The following TSC1 variants were observed in gnomAD, a reference collection of about 807,000 sequenced individuals.
TSC1 encodes hamartin.
TSC1 carries 20 observed loss-of-function variants against 124.3 expected under a neutral mutation model. The ratio of observed to expected loss-of-function variants is 0.16; its 90% confidence interval spans 0.11 to 0.23. The LOEUF (loss-of-function observed/expected upper bound fraction) is 0.23, where lower values mean the gene tolerates loss of function less well. TSC1 is among the 10% of genes least tolerant of loss of function. The pLI is 1.00. For synonymous variants in TSC1, 493 were observed against 539.1 expected, an observed-to-expected ratio of 0.91 and a Z score of 1.19; for missense variants, 1,124 against 1,448.5, an observed-to-expected ratio of 0.78 and a Z score of 3.64.
chr9:132,944,789 GA>G (rs1041223078), upstream of TSC1: 40 of 394,540 alleles, frequency 1.0e-4, no homozygotes, highest in Middle Eastern at 1.3e-3. Flanking sequence ...GGTTGGACGA[GA>G]AAAAAAGTAA....
At chr9:132,933,951 T>A (rs1196595334) in intron 2 of TSC1, among the ~76,000 whole-genome samples, 1 of 152,066 alleles carries the variant, frequency 6.6e-6, no homozygotes, top group East Asian at 1.9e-4. Context: ...ACAAAAACAC[T>A]GAAAATGAAA....
Position 132,906,149 on chromosome 9 carries a change from A to T in TSC1, c.1439-10T>A, listed in dbSNP as rs1060504852. 5 of 1,611,274 alleles carry T rather than the reference A, an allele frequency of 3.1e-6. No individual in the cohort carries two copies. The highest frequency in any genetic ancestry group is 4.2e-6 in the Non-Finnish European group (5 of 1,179,512). On this transcript the variant is annotated splice_polypyrimidine_tract_variant and intron_variant, in intron 14 of 22. Coordinates refer to ENST00000298552, the MANE Select transcript of TSC1 (RefSeq NM_000368.5). This position sits in a 1 kb window ranked among gnomAD's most constrained non-coding sequence, Gnocchi z 4.1. The stretch of plus-strand genomic sequence containing the variant: ...TCTCTAGATATTGCAGCTGAGAGGA[A>T]GAGAGGAAACAAAAGAAATGGCAGT...
At chr9:132,904,087 TC>T (rs1320644567) in intron 16 of TSC1, among the ~76,000 whole-genome samples, 2 of 152,140 alleles carry the variant, frequency 1.3e-5, no homozygotes, top group African/African-American at 4.8e-5. Context: ...ATCACGCATT[TC>T]AGATGCCCTG....
chr9:132,896,555 A>G lies in TSC1; in HGVS notation c.3175T>C (p.Phe1059Leu), dbSNP rs1379924767. 1 of 1,614,138 alleles carries G rather than the reference A, an allele frequency of 6.2e-7. No individual in the cohort carries two copies. The highest frequency in any genetic ancestry group is 8.5e-7 in the Non-Finnish European group (1 of 1,180,022). Residue 1059 changes from phenylalanine to leucine, a missense_variant, in exon 23 of 23, where the codon TTC (phenylalanine) becomes CTC (leucine). By Grantham distance (22) the Phe-to-Leu change is conservative. Coordinates refer to ENST00000298552, the MANE Select transcript of TSC1 (RefSeq NM_000368.5). The surrounding 1 kb of genome is among the most constrained non-coding windows in gnomAD (Gnocchi z 4.5). ...ATAGTCGTCTCCCACCGACTGCTGAATGGGCCTGCCCTCTGGTGTGGGGGT... is the reference window on the plus strand; with the variant it reads ...ATAGTCGTCTCCCACCGACTGCTGAGTGGGCCTGCCCTCTGGTGTGGGGGT... Reference protein sequence around the residue: ...EKPPHQRAGPFSSRWETTMGE... With the variant: ...EKPPHQRAGPLSSRWETTMGE...
Position 132,897,249 on chromosome 9 carries a change from C to T in TSC1, c.2910G>A (p.Glu970=), listed in dbSNP as rs762627301. 5.0e-6 allele frequency: 8 copies of T among 1,614,110 alleles called. No homozygotes were observed. Among genetic ancestry groups the T allele is most frequent in the Non-Finnish European group, 5.1e-6 (6 of 1,180,046 alleles). ...CAAGTTTTTTCAGGAGGCCATCTTT[C>T]TCCAACCTGCCATATAAATCTAAGA... is the stretch of plus-strand genomic sequence containing the variant. ...LEILDLYGRL[E]KDGLLKKLEE... is the part of the protein sequence containing the mutation. The change falls in exon 22 of 23, where the codon GAG becomes GAA. Residue 970 remains glutamate, a synonymous_variant. Transcript: ENST00000298552.
In TSC1 at chr9:132,923,464, G is replaced by A. The variant is rs1846680651; in HGVS notation, c.392C>T (p.Thr131Ile). 1 of 1,614,132 alleles carries A rather than the reference G, an allele frequency of 6.2e-7. No individual in the cohort carries two copies. The highest frequency in any genetic ancestry group is 8.5e-7 in the Non-Finnish European group (1 of 1,179,992). Residue 131 changes from threonine (T) to isoleucine (I), a missense_variant, in exon 6 of 23, where the codon ACA (threonine) becomes ATA (isoleucine). By Grantham distance (89) the Thr-to-Ile change is moderately conservative. Transcript: ENST00000298552. This position sits in a 1 kb window ranked among gnomAD's most constrained non-coding sequence, Gnocchi z 4.2. ...KMDTDVVVLTTGVLVLITMLP... is the reference protein window; with the variant it reads ...KMDTDVVVLTIGVLVLITMLP... ...CATGGTTATCAACACCAAGACGCCT[G>A]TTGTGAGGACAACGACGTCAGTGTC...
chr9:132,921,303 C>T lies in TSC1; in HGVS notation c.737+60G>A, dbSNP rs2132130485. The T allele has an allele frequency of 3.2e-6, 5 of 1,559,872 alleles. No homozygotes were observed. The highest frequency in any genetic ancestry group is 4.4e-6 in the Non-Finnish European group (5 of 1,132,306). On this transcript the variant is annotated intron_variant, in intron 8 of 22. Coordinates refer to ENST00000298552, the MANE Select transcript of TSC1 (RefSeq NM_000368.5). This position sits in a 1 kb window ranked among gnomAD's most constrained non-coding sequence, Gnocchi z 4.3. Reference sequence around the variant, plus strand: ...AATATACCTCAACAGGGATTACCTCCTAGATCACATTTTCAATCTCTCGAA... The same window carrying T: ...AATATACCTCAACAGGGATTACCTCTTAGATCACATTTTCAATCTCTCGAA...
intron 15 of TSC1, 54 bp from the exon 16 acceptor site, chr9:132,904,508 G>C: frequency 6.4e-7 from 1 of 1,560,158 alleles, no homozygotes; most frequent in Non-Finnish European, 8.8e-7. Flanking sequence ...AGAAAAAAAC[G>C]TATCTGGACT....
chr9:132,912,135 T>G, intron 9 of TSC1, 147 bp downstream of exon 9: 1 of 903,180 alleles, frequency 1.1e-6, no homozygotes, highest in Non-Finnish European at 1.7e-6. Flanking sequence ...TAGAAGAAAA[T>G]GGAGGGACAT....
rs1340619483 is a variant in TSC1, at chr9:132,906,873, C to T, written c.1334-38G>A. ...AAAGACAACTGAAGTCAAAGAAATA[C>T]AGTGTAATCCCTGTAAGTGTAAAAC... On this transcript the variant is annotated intron_variant, in intron 13 of 22. Coordinates refer to ENST00000298552, the MANE Select transcript of TSC1 (RefSeq NM_000368.5). This position sits in a 1 kb window ranked among gnomAD's most constrained non-coding sequence, Gnocchi z 4.1. 1 of 1,530,848 alleles carries T rather than the reference C, an allele frequency of 6.5e-7. No individual in the cohort carries two copies. The highest frequency in any genetic ancestry group is 1.4e-5 in the African/African-American group (1 of 73,224). 94.8% of individuals were successfully genotyped at this position (1,530,848 alleles called of 1,614,324 possible).
intron 3 of TSC1, among the ~76,000 whole-genome samples, chr9:132,927,521 C>CTTTT (rs57259325): frequency 0.015 from 1,562 of 103,928 alleles, 65 homozygotes; most frequent in African/African-American, 0.036. Flanking sequence ...TTTTTATTGC[C>CTTTT]TTTTTTTTTT....
At chr9:132,900,503 G>T in intron 20 of TSC1, 1 of 647,834 alleles carries the variant, frequency 1.5e-6, no homozygotes, top group Non-Finnish European at 2.7e-6. Flanking sequence ...GGTGCTTTCA[G>T]TGTGAGTTAA....
intron 8 of TSC1, among the ~76,000 whole-genome samples, chr9:132,913,805 G>A (rs1284859765): frequency 1.6e-5 from 2 of 125,590 alleles, no homozygotes; most frequent in East Asian, 2.5e-4. Flanking sequence ...CAGCCTGGGC[G>A]ATAGAGCGAG....
In TSC1 at chr9:132,910,615, C is replaced by G. The variant is rs769331772; in HGVS notation, c.1219G>C (p.Val407Leu). Residue 407 changes from valine (V) to leucine (L), a missense_variant, in exon 12 of 23, where the codon GTG becomes CTG. Val to Leu is a conservative substitution (Grantham distance 32). Around this residue, in one of 5 missense-constraint regions of TSC1, gnomAD observed 463 missense variants for 606.8 expected, o/e 0.76. Coordinates refer to ENST00000298552, the MANE Select transcript of TSC1 (RefSeq NM_000368.5). The stretch of plus-strand genomic sequence containing the variant: ...GTGGCCTGGGGGAGTGAAATGTGCA[C>G]GTAGTCATCCGAATGACAGAGTGGG... Reference protein sequence around the residue: ...PAPLCHSDDYVHISLPQATVT... With the variant: ...PAPLCHSDDYLHISLPQATVT... 1 of 1,614,060 alleles carries G rather than the reference C, an allele frequency of 6.2e-7. No homozygotes were observed. The highest frequency in any genetic ancestry group is 1.7e-5 in the Admixed American group (1 of 60,012).
chr9:132,930,729 T>C (rs1483751955), intron 2 of TSC1, among the ~76,000 whole-genome samples: 3 of 152,138 alleles, frequency 2.0e-5, no homozygotes, highest in African/African-American at 7.2e-5. Flanking sequence ...TCTTGTGACA[T>C]TCACTGATTT....
At position 132,894,766 on chromosome 9, in the gene TSC1, C is replaced by A. The variant is rs552958137; in HGVS notation, c.*1469G>T. 8.8e-6 allele frequency: 2 copies of A among 227,306 alleles called. 1 individual carries two copies. The highest frequency in any genetic ancestry group is 1.3e-4 in the East Asian group (2 of 15,976). The allele number at this position is 227,306 out of a possible 1,614,324, so 14.1% of individuals were successfully genotyped here. A position where few individuals can be genotyped will look rare whatever the true frequency, so the allele number is the denominator to read the frequency against. On this transcript the variant is annotated 3_prime_UTR_variant, in exon 23 of 23. Coordinates refer to ENST00000298552, the MANE Select transcript of TSC1 (RefSeq NM_000368.5). ...CTCCGTGGGCACTAAGATTTCGTAC[C>A]GTGACAGTTTTTTACCTCTTTATGA...
chr9:132,902,803 A>G lies in TSC1; in HGVS notation c.2209-16T>C. ...ACTGATCTTTCTAGCAGAGACCAGA[A>G]ATGTCATCATTTTAGCTGTCTTCCA... On this transcript the variant is annotated splice_polypyrimidine_tract_variant and intron_variant, in intron 17 of 22. Transcript: ENST00000298552. The surrounding 1 kb of genome is among the most constrained non-coding windows in gnomAD (Gnocchi z 5.2). 6.2e-7 allele frequency: 1 copy of G among 1,612,886 alleles called. No homozygotes were observed. Among genetic ancestry groups the G allele is most frequent in the Non-Finnish European group, 8.5e-7 (1 of 1,179,992 alleles).
chr9:132,917,675 C>T (rs1352438027), intron 8 of TSC1, among the ~76,000 whole-genome samples: 1 of 152,160 alleles, frequency 6.6e-6, no homozygotes, highest in Admixed American at 6.5e-5. Context: ...CTGGGACTTC[C>T]TGAACTGATC....
intron 2 of TSC1, among the ~76,000 whole-genome samples, chr9:132,932,556 T>C (rs1288396455): frequency 6.6e-6 from 1 of 152,166 alleles, no homozygotes; most frequent in Non-Finnish European, 1.5e-5. Flanking sequence ...AATCATCCAA[T>C]GGCTTCCCAT....
Sources: gnomAD v4.1 joint callset for allele counts (sites outside exome capture counted in the v4.1 genomes callset) on GRCh38, gnomAD v4.1.1 for gene constraint, gnomAD v4.1.1 regional missense constraint, Gnocchi (gnomAD v3.1) non-coding constraint, MANE v1.5 for transcripts, NCBI Gene and HGNC (gene_info 2026-07-23, HGNC 2026-07-21) for gene names.